CEP135: variants seen among roughly 807,000 people sequenced by gnomAD.
The protein encoded by CEP135 is centrosomal protein 135, also known as centrosomal protein of 135 kDa.
A neutral mutation model predicts 157.3 loss-of-function variants in CEP135; 142 were observed. The observed-to-expected ratio is 0.90, with a 90% CI of 0.79 to 1.04. The LOEUF (loss-of-function observed/expected upper bound fraction) is 1.04. Among genes scored for constraint, CEP135 ranks in the 50% least tolerant of loss-of-function variants. The pLI, the probability that CEP135 is intolerant of heterozygous loss-of-function variation, is 0.00. For missense variants in CEP135, 1,317 were observed against 1,309.2 expected (o/e 1.01, Z -0.09); for synonymous variants, 396 against 439.8 (o/e 0.90, Z 1.25).
chr4:55,971,673 A>G (rs1729031499), intron 10 of CEP135, among the ~76,000 whole-genome samples: 1 of 152,100 alleles, frequency 6.6e-6, no homozygotes, highest in Non-Finnish European at 1.5e-5. Flanking sequence ...AGACAGACTA[A>G]TAATAGAATT....
chr4:55,980,497 T>C (rs1729365304), intron 12 of CEP135, among the ~76,000 whole-genome samples: 1 of 152,220 alleles, frequency 6.6e-6, no homozygotes, highest in South Asian at 2.1e-4. Flanking sequence ...TCTTTCCCTT[T>C]TCTAGCCTAT....
At chr4:55,964,435 A>T in intron 7 of CEP135, 33 bp downstream of exon 7, 1 of 1,533,286 alleles carries the variant, frequency 6.5e-7, no homozygotes, top group Non-Finnish European at 8.9e-7. Flanking sequence ...CACTGAGTGT[A>T]TATAATGGTG....
intron 13 of CEP135, among the ~76,000 whole-genome samples, chr4:55,984,152 C>T (rs1298361005): frequency 3.3e-5 from 5 of 152,190 alleles, no homozygotes; most frequent in South Asian, 2.1e-4. Flanking sequence ...TAACTGTTTT[C>T]GAGGACTTCA....
intron 21 of CEP135, among the ~76,000 whole-genome samples, chr4:56,015,051 G>GA (rs891916564): frequency 8.7e-5 from 13 of 150,030 alleles, no homozygotes; most frequent in East Asian, 3.9e-4. Context: ...CAAAAAAAAG[G>GA]AAAAAAAAAT....
rs990129708 is a variant in CEP135 at position 56,031,643 on chromosome 4, T to A, written c.*295T>A. The A allele has an allele frequency of 8.5e-5, 13 of 152,248 alleles. No homozygotes were observed. The highest frequency in any genetic ancestry group is 3.9e-4 in the Admixed American group (6 of 15,276). The allele number at this position is 152,248 out of a possible 1,614,324, so 9.4% of individuals were successfully genotyped here. A position where few individuals can be genotyped will look rare whatever the true frequency, so the allele number is the denominator to read the frequency against. On this transcript the variant is annotated 3_prime_UTR_variant, in exon 26 of 26. Transcript: ENST00000257287. ...AATTACTAAAAGTATGTTTATACTGTGAATTAATATAATGTATTCACATTA... is the reference window on the plus strand; with the variant it reads ...AATTACTAAAAGTATGTTTATACTGAGAATTAATATAATGTATTCACATTA...
At chr4:55,968,977 A>T in intron 8 of CEP135, 86 bp from the exon 9 acceptor site, 1 of 976,830 alleles carries the variant, frequency 1.0e-6, no homozygotes, top group Non-Finnish European at 1.5e-6. Flanking sequence ...AACGTGAAGT[A>T]ATTGCAAAAT....
At chr4:56,002,441 C>T (rs561242619) in intron 17 of CEP135, among the ~76,000 whole-genome samples, 2 of 152,062 alleles carry the variant, frequency 1.3e-5, no homozygotes, top group Non-Finnish European at 2.9e-5. Context: ...TTTACAAAAA[C>T]GGGATGTTGC....
chr4:55,954,464 T>C lies in CEP135; in HGVS notation c.472+81T>C, dbSNP rs1275211767. On this transcript the variant is annotated intron_variant, in intron 4 of 25. Coordinates refer to ENST00000257287, the MANE Select transcript of CEP135 (RefSeq NM_025009.5). Reference sequence around the variant, plus strand: ...AACACCATTGACTAAAATAGGACTTTGGATTGGATTTTCATGCTTAGACTT... The same window carrying C: ...AACACCATTGACTAAAATAGGACTTCGGATTGGATTTTCATGCTTAGACTT... 3.2e-6 allele frequency: 4 copies of C among 1,242,370 alleles called. No homozygotes were observed. In the African/African-American group the frequency reaches 4.6e-5, roughly 14 times the overall value. The allele number at this position is 1,242,370 out of a possible 1,614,324, so 77.0% of individuals were successfully genotyped here.
At position 56,011,974 on chromosome 4, in the gene CEP135, G is replaced by A; in HGVS notation, c.2791G>A (p.Glu931Lys). 6.5e-7 allele frequency: 1 copy of A among 1,536,408 alleles called. No homozygotes were observed. The highest frequency in any genetic ancestry group is 8.7e-7 in the Non-Finnish European group (1 of 1,143,492). Residue 931 changes from glutamate to lysine, a missense_variant, in exon 21 of 26, where the codon GAA (glutamate) becomes AAA (lysine). Glu to Lys is a moderately conservative substitution (Grantham distance 56). Transcript: ENST00000257287. ...LRERVELLEK[E>K]IQEHINAHHA... ...AGAAAGAGTGGAGCTATTAGAAAAA[G>A]AAATTCAAGAGGTAATATATTTATT...
intron 6 of CEP135, among the ~76,000 whole-genome samples, chr4:55,962,681 A>G (rs1728718761): frequency 2.7e-5 from 3 of 112,850 alleles, no homozygotes; most frequent in Non-Finnish European, 5.4e-5. Context: ...TGCTCTTTGA[A>G]ACTTCTTCCA....
intron 23 of CEP135, among the ~76,000 whole-genome samples, chr4:56,020,193 C>T (rs1560425751): frequency 2.0e-5 from 3 of 152,002 alleles, no homozygotes; most frequent in African/African-American, 4.8e-5. Context: ...AAAAAGGACT[C>T]TAAAAAGGCT....
chr4:56,003,516 A>T (rs1176612707), intron 17 of CEP135, among the ~76,000 whole-genome samples: 1 of 151,954 alleles, frequency 6.6e-6, no homozygotes, highest in Non-Finnish European at 1.5e-5. Context: ...CTGATCTTTT[A>T]TATTTTCATC....
At position 56,011,991 on chromosome 4, in the gene CEP135, A is replaced by T; in HGVS notation, c.2802+6A>T. On this transcript the variant is annotated splice_donor_region_variant and intron_variant, in intron 21 of 25. Transcript: ENST00000257287. ...TAGAAAAAGAAATTCAAGAGGTAAT[A>T]TATTTATTTGTTTTGTAAAGATGTT... 2.7e-6 allele frequency: 4 copies of T among 1,474,196 alleles called. No homozygotes were observed. The highest frequency in any genetic ancestry group is 3.6e-6 in the Non-Finnish European group (4 of 1,102,738). The allele number at this position is 1,474,196 out of a possible 1,614,324, so 91.3% of individuals were successfully genotyped here. A position where few individuals can be genotyped will look rare whatever the true frequency, so the allele number is the denominator to read the frequency against.
At chr4:56,008,032 A>G (rs1730419488) in intron 17 of CEP135, among the ~76,000 whole-genome samples, 1 of 152,162 alleles carries the variant, frequency 6.6e-6, no homozygotes, top group Non-Finnish European at 1.5e-5. Flanking sequence ...TAATGTTTAA[A>G]TGTCATTTTT....
chr4:56,010,223 C>A lies in CEP135; in HGVS notation c.2505+320C>A, dbSNP rs1730529025. Among the ~76,000 whole-genome samples the A allele has an allele frequency of 2.8e-5, 4 of 143,950 alleles. No homozygotes were observed. The Admixed American group carries it at 2.9e-4, about 10-fold the overall frequency. 94.4% of individuals were successfully genotyped at this position (143,950 alleles called of 152,430 possible). ...ACTAAAAATACAAAAATTAGCCAGG[C>A]CTGGCGGCATGCGCCTGTAATCCCA... On this transcript the variant is annotated intron_variant, in intron 19 of 25. Coordinates refer to ENST00000257287, the MANE Select transcript of CEP135 (RefSeq NM_025009.5).
chr4:55,997,847 A>T (rs1224236882), intron 15 of CEP135, among the ~76,000 whole-genome samples: 1 of 152,208 alleles, frequency 6.6e-6, no homozygotes, highest in Non-Finnish European at 1.5e-5. Flanking sequence ...AGCTTTTAGG[A>T]ATAGTGTGAA....
chr4:56,017,983 T>C lies in CEP135; in HGVS notation c.3012+126T>C, dbSNP rs1577912226. ...AGAGTAGTTACTTTTTTTTTTGTGA[T>C]GGAGTTTTGCTCTGTCGCTTAGGCT... On this transcript the variant is annotated intron_variant, in intron 22 of 25. Coordinates refer to ENST00000257287, the MANE Select transcript of CEP135 (RefSeq NM_025009.5). 3.3e-5 allele frequency: 27 copies of C among 815,076 alleles called. No individual in the cohort carries two copies. In the South Asian group the frequency reaches 5.0e-4, roughly 15 times the overall value. 50.5% of individuals were successfully genotyped at this position (815,076 alleles called of 1,614,324 possible). A position where few individuals can be genotyped will look rare whatever the true frequency, so the allele number is the denominator to read the frequency against.
chr4:56,003,351 G>T (rs919331759), intron 17 of CEP135, among the ~76,000 whole-genome samples: 2 of 151,904 alleles, frequency 1.3e-5, no homozygotes, highest in Non-Finnish European at 2.9e-5. Flanking sequence ...GACTGTAGGT[G>T]CCCACCACCA....
chr4:55,951,623 A>G (rs1728364914), intron 1 of CEP135, among the ~76,000 whole-genome samples: 1 of 152,202 alleles, frequency 6.6e-6, no homozygotes, highest in Non-Finnish European at 1.5e-5. Context: ...ATTGAGTTGT[A>G]AGAATTCCTT....
Sources: gnomAD v4.1 joint callset for allele counts (sites outside exome capture counted in the v4.1 genomes callset) on GRCh38, gnomAD v4.1.1 for gene constraint, MANE v1.5 for transcripts, NCBI Gene and HGNC (gene_info 2026-07-23, HGNC 2026-07-21) for gene names.